The following TNS3 variants were observed in gnomAD, a reference collection of about 807,000 sequenced individuals.
The protein encoded by TNS3 is tensin 3.
In TNS3, 45 loss-of-function variants were observed where a neutral mutation model predicts 140.9. The ratio of observed to expected loss-of-function variants is 0.32; its 90% CI spans 0.25 to 0.41. The LOEUF (loss-of-function observed/expected upper bound fraction) is 0.41, where lower values mean the gene tolerates loss of function less well. TNS3 is among the 10% of genes least tolerant of loss of function. The probability of loss-of-function intolerance (pLI) is 1.00; values close to 1 mark genes in which losing one functional copy is unlikely to be tolerated. For missense variants in TNS3, 1,716 were observed against 1,906.7 expected, an observed-to-expected ratio of 0.90 and a Z score of 1.86; for synonymous variants, 815 against 788.4, an observed-to-expected ratio of 1.03 and a Z score of -0.56.
At position 47,525,333 on chromosome 7, in the gene TNS3, G is replaced by T. The variant is rs111314377; in HGVS notation, c.-153+3703C>A. ...ATGGGCCACGGGGCCACCACACTGG[G>T]CTTTGTTCTCGTGAGTGCCTGGATG... On this transcript the variant is annotated intron_variant, in intron 2 of 30. Transcript: ENST00000311160. Among the ~76,000 whole-genome samples the T allele has an allele frequency of 2.0e-4, 30 of 152,356 alleles. 1 individual carries two copies. The highest frequency in any genetic ancestry group is 7.0e-4 in the African/African-American group (29 of 41,592).
chr7:47,331,950 C>T (rs1006836266), intron 20 of TNS3, among the ~76,000 whole-genome samples: 1 of 152,202 alleles, frequency 6.6e-6, no homozygotes, highest in Non-Finnish European at 1.5e-5. Flanking sequence ...CTTGGTAATG[C>T]CCTCAAAGGC....
intron 3 of TNS3, among the ~76,000 whole-genome samples, chr7:47,488,932 G>T (rs530242826): frequency 6.6e-6 from 1 of 152,212 alleles, no homozygotes. Flanking sequence ...ACACAAGCCT[G>T]CAAACAACAG....
At chr7:47,454,943 C>T (rs551759342) in intron 4 of TNS3, among the ~76,000 whole-genome samples, 6 of 152,200 alleles carry the variant, frequency 3.9e-5, no homozygotes, top group Non-Finnish European at 7.3e-5. Context: ...GCTGAGTCCA[C>T]TCTGGAGTAT....
At chr7:47,569,663 G>A (rs1395783646) in intron 1 of TNS3, among the ~76,000 whole-genome samples, 1 of 151,938 alleles carries the variant, frequency 6.6e-6, no homozygotes, top group Admixed American at 6.6e-5. Context: ...AGACCAGCTT[G>A]GCCAACATGG....
chr7:47,437,093 TCTAA>T (rs1470309258), intron 7 of TNS3, among the ~76,000 whole-genome samples, 166 bp downstream of exon 7: 4 of 152,136 alleles, frequency 2.6e-5, no homozygotes, highest in African/African-American at 7.2e-5. Flanking sequence ...CCTACGAATC[TCTAA>T]CTATTTCAAA....
At chr7:47,322,786 C>T (rs562399840) in intron 20 of TNS3, among the ~76,000 whole-genome samples, 1 of 152,210 alleles carries the variant, frequency 6.6e-6, no homozygotes, top group South Asian at 2.1e-4. Flanking sequence ...AAGCCCTACC[C>T]GGGGCATGAA....
intron 1 of TNS3, among the ~76,000 whole-genome samples, chr7:47,537,401 C>T (rs1035594066): frequency 3.0e-4 from 45 of 152,246 alleles, no homozygotes; most frequent in South Asian, 6.2e-4. Context: ...CACGAATTAG[C>T]CCTCCCTCCC....
intron 20 of TNS3, among the ~76,000 whole-genome samples, chr7:47,308,557 G>A (rs1255104408): frequency 6.6e-6 from 1 of 152,116 alleles, no homozygotes; most frequent in African/African-American, 2.4e-5. Flanking sequence ...TTTGGATGCT[G>A]GATATTTTTG....
chr7:47,520,677 C>T lies in TNS3; in HGVS notation c.-153+8359G>A, dbSNP rs576818826. Among the ~76,000 whole-genome samples the T allele has an allele frequency of 1.1e-4, 16 of 152,332 alleles. No homozygotes were observed. The South Asian group carries it at 3.3e-3, about 32-fold the overall frequency. Reference sequence around the variant, plus strand: ...AGAATTTAGAGGCAGGGAAGTGCTGCTTCCCATCGGATAACCACCACCGAC... The same window carrying T: ...AGAATTTAGAGGCAGGGAAGTGCTGTTTCCCATCGGATAACCACCACCGAC... On this transcript the variant is annotated intron_variant, in intron 2 of 30. Coordinates refer to ENST00000311160, the MANE Select transcript of TNS3 (RefSeq NM_022748.12).
At chr7:47,311,399 AGTGTGTGTGT>A (rs10617598) in intron 20 of TNS3, among the ~76,000 whole-genome samples, 34,277 of 147,356 alleles carry the variant, frequency 0.23, 4,214 homozygotes, top group South Asian at 0.31. Context: ...GAACTTAAAG[AGTGTGTGTGT>A]GTGTGTGTGT....
intron 2 of TNS3, among the ~76,000 whole-genome samples, chr7:47,523,621 G>A (rs1022612257): frequency 2.6e-5 from 4 of 152,240 alleles, no homozygotes; most frequent in African/African-American, 7.2e-5. Flanking sequence ...CGGGGATGGA[G>A]CCTGCAAGTG....
chr7:47,276,136 A>G lies in TNS3; in HGVS notation c.*1940T>C. The G allele has an allele frequency of 5.2e-6, 1 of 192,838 alleles. No individual in the cohort carries two copies. Among genetic ancestry groups the G allele is most frequent in the South Asian group, 8.9e-5 (1 of 11,210 alleles). 11.9% of individuals were successfully genotyped at this position (192,838 alleles called of 1,614,324 possible). A position where few individuals can be genotyped will look rare whatever the true frequency, so the allele number is the denominator to read the frequency against. ...GCCTCTGCTAAAGACATCAGGGTCA[A>G]CACATGAGGATCTGCTGAAAATGCC... On this transcript the variant is annotated 3_prime_UTR_variant, in exon 31 of 31. Transcript: ENST00000311160.
At chr7:47,328,623 T>C (rs538544304) in intron 20 of TNS3, among the ~76,000 whole-genome samples, 35 of 152,158 alleles carry the variant, frequency 2.3e-4, no homozygotes, top group Non-Finnish European at 4.1e-4. Flanking sequence ...TAGTCAGTCC[T>C]CTGCCCCCCA....
chr7:47,487,213 T>C (rs1374317560), intron 3 of TNS3, among the ~76,000 whole-genome samples: 1 of 151,852 alleles, frequency 6.6e-6, no homozygotes, highest in Non-Finnish European at 1.5e-5. Flanking sequence ...ACAGGAGAAT[T>C]GCTTGAACCT....
chr7:47,293,948 C>A (rs1785860393), intron 24 of TNS3, 120 bp from the exon 25 acceptor site: 1 of 869,784 alleles, frequency 1.1e-6, no homozygotes, highest in Non-Finnish European at 1.8e-6. Context: ...GAATACGAGT[C>A]CAGTCACTGC....
chr7:47,454,313 G>A (rs996113597), intron 4 of TNS3, among the ~76,000 whole-genome samples: 3 of 152,204 alleles, frequency 2.0e-5, no homozygotes, highest in Admixed American at 6.5e-5. Context: ...CAGCAGTGAC[G>A]GCAGGGGGTC....
chr7:47,322,111 AGGGTCT>A (rs925831992), intron 20 of TNS3, among the ~76,000 whole-genome samples: 4 of 150,122 alleles, frequency 2.7e-5, no homozygotes, highest in African/African-American at 9.8e-5. Context: ...CCCCAGGACC[AGGGTCT>A]GGGTACATTA....
intron 1 of TNS3, among the ~76,000 whole-genome samples, chr7:47,578,240 G>A (rs879543420): frequency 9.9e-5 from 15 of 152,092 alleles, no homozygotes; most frequent in Admixed American, 9.2e-4. Flanking sequence ...AACCCAGGAG[G>A]CAGAGATTGC....
intron 13 of TNS3, among the ~76,000 whole-genome samples, chr7:47,401,370 T>G (rs1229620273): frequency 6.6e-6 from 1 of 152,246 alleles, no homozygotes; most frequent in Non-Finnish European, 1.5e-5. Flanking sequence ...CTTAAAGCTT[T>G]TTGTTTTCCA....
Sources: gnomAD v4.1 joint callset for allele counts (sites outside exome capture counted in the v4.1 genomes callset) on GRCh38, gnomAD v4.1.1 for gene constraint, MANE v1.5 for transcripts, NCBI Gene and HGNC (gene_info 2026-07-23, HGNC 2026-07-21) for gene names.